Variants in SETD2 observed in about 807,000 individuals in gnomAD.
The protein encoded by SETD2 is SET domain containing 2, histone lysine methyltransferase, also known as histone-lysine N-methyltransferase SETD2.
Under a neutral mutation model 242.1 loss-of-function variants are expected in SETD2, and 31 were observed. The ratio of observed to expected loss-of-function variants is 0.13; its 90% confidence interval spans 0.10 to 0.17. The LOEUF (loss-of-function observed/expected upper bound fraction) is 0.17, where lower values mean the gene tolerates loss of function less well. SETD2 is among the 10% of genes least tolerant of loss of function. The probability of loss-of-function intolerance (pLI) is 1.00; values close to 1 mark genes in which losing one functional copy is unlikely to be tolerated. For synonymous variants in SETD2, 1,006 were observed against 1,066.5 expected (o/e 0.94, Z 1.11); for missense variants, 2,481 against 3,046.3 (o/e 0.81, Z 4.37).
rs769297861 is a variant in SETD2 at position 47,123,625 on chromosome 3, A to G, written c.1011T>C (p.His337=). 11 of 1,550,206 alleles carry G rather than the reference A, an allele frequency of 7.1e-6. No homozygotes were observed. The South Asian group carries it at 1.3e-4, about 18-fold the overall frequency. ...CAATGCTTGCTGAAAATTTTAAATC[A>G]TGTGATCTTTGACTTGAAGAAGTCC... ...SVRTSSSQRS[H]DLKFSASIEK... is the part of the protein sequence containing the mutation. The change falls in exon 3 of 21, where the codon CAT becomes CAC. Residue 337 remains histidine, a synonymous_variant. Coordinates refer to ENST00000409792, the MANE Select transcript of SETD2 (RefSeq NM_014159.7).
chr3:47,135,025 A>C (rs2043562048), intron 1 of SETD2, among the ~76,000 whole-genome samples: 1 of 152,244 alleles, frequency 6.6e-6, no homozygotes, highest in Non-Finnish European at 1.5e-5. Context: ...ACCTTGTAAA[A>C]GCAGTGCTAG....
chr3:47,033,652 ATTTTTTTTTTT>A (rs34978514), intron 18 of SETD2, among the ~76,000 whole-genome samples: 14 of 90,862 alleles, frequency 1.5e-4, no homozygotes, highest in Admixed American at 6.5e-4. Context: ...TCATGGTTTG[ATTTTTTTTTTT>A]TTTTTTTTTT....
chr3:47,128,167 C>G (rs2043390411), intron 1 of SETD2, among the ~76,000 whole-genome samples: 1 of 152,172 alleles, frequency 6.6e-6, no homozygotes, highest in Non-Finnish European at 1.5e-5. Context: ...TCTTATGGAT[C>G]AATGCTTCTC....
intron 1 of SETD2, among the ~76,000 whole-genome samples, chr3:47,160,754 T>C (rs1395177920): frequency 6.6e-6 from 1 of 152,226 alleles, no homozygotes; most frequent in Non-Finnish European, 1.5e-5. Context: ...TGCACCTCTA[T>C]CACTGTAAAG....
chr3:47,127,460 G>A (rs144099395), intron 1 of SETD2: 40 of 337,472 alleles, frequency 1.2e-4, no homozygotes, highest in African/African-American at 7.8e-4. Context: ...GGGTGTAGTG[G>A]CCCACACTTG....
At position 47,017,791 on chromosome 3, in the gene SETD2, GA is replaced by G. The variant is rs1439547174; in HGVS notation, c.7432-53del. On this transcript the variant is annotated intron_variant, in intron 19 of 20. Coordinates refer to ENST00000409792, the MANE Select transcript of SETD2 (RefSeq NM_014159.7). This position sits in a 1 kb window ranked among gnomAD's most constrained non-coding sequence, Gnocchi z 4.8. ...TGCTCAACAGTCCAGAGAGGGCAAG[GA>G]GTTGTACTGAGGAAATAACTAGAAA... The G allele has an allele frequency of 1.6e-5, 19 of 1,209,074 alleles. No homozygotes were observed. The highest frequency in any genetic ancestry group is 3.0e-5 in the African/African-American group (2 of 66,908). The allele number at this position is 1,209,074 out of a possible 1,614,324, so 74.9% of individuals were successfully genotyped here.
intron 6 of SETD2, among the ~76,000 whole-genome samples, chr3:47,103,982 G>A (rs920049576): frequency 1.9e-4 from 29 of 152,130 alleles, no homozygotes; most frequent in African/African-American, 7.0e-4. Flanking sequence ...ACTTTAAAGT[G>A]TGGGCTATGT....
intron 1 of SETD2, among the ~76,000 whole-genome samples, chr3:47,151,751 C>G (rs555832158): frequency 1.3e-5 from 2 of 150,918 alleles, no homozygotes; most frequent in African/African-American, 4.9e-5. Context: ...TACTTGAACC[C>G]GGGAAGCGGA....
intron 1 of SETD2, among the ~76,000 whole-genome samples, chr3:47,150,027 A>AATTTTT: frequency 1.5e-5 from 1 of 68,922 alleles, no homozygotes; most frequent in South Asian, 4.4e-4. Context: ...ATCCAAAAAT[A>AATTTTT]CTTTTTTTTT....
chr3:47,121,167 G>A lies in SETD2; in HGVS notation c.3469C>T (p.Leu1157=), dbSNP rs966084677. The A allele has an allele frequency of 6.2e-7, 1 of 1,614,116 alleles. No homozygotes were observed. Among genetic ancestry groups the A allele is most frequent in the African/African-American group, 1.3e-5 (1 of 75,036 alleles). The part of the protein sequence containing the change: ...QSSRKQIDNR[L]PELSHPQSDG... ...CTCTGAGGATGAGAAAGTTCAGGCAGGCGATTATCTATTTGTTTTCTACTG... is the reference window on the plus strand; with the variant it reads ...CTCTGAGGATGAGAAAGTTCAGGCAAGCGATTATCTATTTGTTTTCTACTG... The change falls in exon 3 of 21, where the codon CTG becomes TTG. Residue 1157 remains leucine (L), a synonymous_variant. Coordinates refer to ENST00000409792, the MANE Select transcript of SETD2 (RefSeq NM_014159.7).
intron 14 of SETD2, among the ~76,000 whole-genome samples, chr3:47,058,130 A>T (rs1228176311): frequency 6.6e-6 from 1 of 152,196 alleles, no homozygotes; most frequent in East Asian, 1.9e-4. Context: ...ACTGAAGAAT[A>T]AATAGAGTCA....
rs1468592664 is a variant in SETD2, at chr3:47,017,673, T to C, written c.7498A>G (p.Thr2500Ala). The change falls in exon 20 of 21, where the codon ACC becomes GCC. Residue 2500 changes from threonine (T) to alanine (A), a missense_variant. Thr to Ala is a moderately conservative substitution (Grantham distance 58). Coordinates refer to ENST00000409792, the MANE Select transcript of SETD2 (RefSeq NM_014159.7). The surrounding 1 kb of genome is among the most constrained non-coding windows in gnomAD (Gnocchi z 4.8). Reference protein sequence around the residue: ...RKPDCKVGRITTTEDFKHLAR... With the variant: ...RKPDCKVGRIATTEDFKHLAR... ...AGATGTTTAAAGTCTTCAGTTGTGG[T>C]AATTCTTCCCACTTTGCAGTCAGGT... is the stretch of plus-strand genomic sequence containing the variant. 3 of 1,613,826 alleles carry C rather than the reference T, an allele frequency of 1.9e-6. No homozygotes were observed. In the African/African-American group the frequency reaches 4.0e-5, roughly 22 times the overall value.
At chr3:47,045,212 C>T (rs1195028780) in intron 16 of SETD2, among the ~76,000 whole-genome samples, 1 of 151,962 alleles carries the variant, frequency 6.6e-6, no homozygotes, top group Non-Finnish European at 1.5e-5. Flanking sequence ...ATGGTGAAAC[C>T]CCGTATCTAA....
At chr3:47,161,538 A>C (rs1279383743) in intron 1 of SETD2, among the ~76,000 whole-genome samples, 2 of 152,116 alleles carry the variant, frequency 1.3e-5, no homozygotes, top group African/African-American at 2.4e-5. Flanking sequence ...TGCTCAGGAT[A>C]CCTACCATGA....
At chr3:47,120,142 AAG>A (rs112449617) in intron 3 of SETD2, 38 bp downstream of exon 3, 52 of 1,428,662 alleles carry the variant, frequency 3.6e-5, no homozygotes, top group Admixed American at 1.4e-4. Flanking sequence ...ACAACAAAAA[AAG>A]AGTTAAAATT....
In SETD2 at chr3:47,121,920, G is replaced by A. The variant is rs940126759; in HGVS notation, c.2716C>T (p.Pro906Ser). 1.2e-5 allele frequency: 20 copies of A among 1,613,784 alleles called. No homozygotes were observed. The African/African-American group carries it at 2.5e-4, about 20-fold the overall frequency. Residue 906 changes from proline to serine, a missense_variant, in exon 3 of 21, where the codon CCA becomes TCA. Coordinates refer to ENST00000409792, the MANE Select transcript of SETD2 (RefSeq NM_014159.7). ...TLLKCGENTS[P>S]VLDAVLKSKK... Reference sequence around the variant, plus strand: ...CTCTTTAGCACTGCATCCAGAACTGGAGATGTGTTCTCTCCGCATTTCAAG... The same window carrying A: ...CTCTTTAGCACTGCATCCAGAACTGAAGATGTGTTCTCTCCGCATTTCAAG...
chr3:47,132,463 G>T (rs2043501678), intron 1 of SETD2, among the ~76,000 whole-genome samples: 1 of 152,162 alleles, frequency 6.6e-6, no homozygotes, highest in South Asian at 2.1e-4. Context: ...CTCCAGCCTA[G>T]AAGATAGAGG....
At chr3:47,135,403 T>C (rs1246496456) in intron 1 of SETD2, among the ~76,000 whole-genome samples, 1 of 152,104 alleles carries the variant, frequency 6.6e-6, no homozygotes, top group East Asian at 1.9e-4. Flanking sequence ...GCCTCCTGAG[T>C]AGCTGGGACT....
intron 18 of SETD2, among the ~76,000 whole-genome samples, chr3:47,026,895 T>C (rs2038506064): frequency 6.6e-6 from 1 of 152,084 alleles, no homozygotes; most frequent in African/African-American, 2.4e-5. Flanking sequence ...CCATGGCACG[T>C]GTATACCTAT....
Sources: allele counts gnomAD v4.1 joint callset (sites outside exome capture counted in the v4.1 genomes callset), GRCh38; gene constraint gnomAD v4.1.1; non-coding constraint Gnocchi (gnomAD v3.1); transcripts MANE v1.5; gene names NCBI Gene and HGNC (gene_info 2026-07-23, HGNC 2026-07-21).